SOX6: variants seen among roughly 807,000 people sequenced by gnomAD.
SOX6 encodes SRY-box transcription factor 6.
SOX6 carries 11 observed loss-of-function variants against 97.8 expected under a neutral mutation model. The ratio of observed to expected loss-of-function variants is 0.11; its 90% CI spans 0.07 to 0.19. The LOEUF (loss-of-function observed/expected upper bound fraction) is 0.19. Among genes scored for constraint, SOX6 ranks in the 10% least tolerant of loss-of-function variants. The pLI is 1.00. For synonymous variants in SOX6, 360 were observed against 371.4 expected (o/e 0.97, Z 0.35); for missense variants, 810 against 1,039.5 (o/e 0.78, Z 3.04).
At chr11:16,141,324 G>C (rs1271220713) in intron 6 of SOX6, among the ~76,000 whole-genome samples, 2 of 152,138 alleles carry the variant, frequency 1.3e-5, no homozygotes, top group African/African-American at 2.4e-5. Context: ...AAGGCGATGA[G>C]ACAAGTTCCC....
intron 4 of SOX6, among the ~76,000 whole-genome samples, chr11:16,558,986 CACAA>C (rs1358781730): frequency 1.3e-5 from 2 of 151,886 alleles, no homozygotes; most frequent in Admixed American, 1.3e-4. Context: ...TAATGAAATT[CACAA>C]ACAACCCTTT....
At chr11:16,018,418 G>A (rs763615139) in intron 12 of SOX6, among the ~76,000 whole-genome samples, 1 of 151,890 alleles carries the variant, frequency 6.6e-6, no homozygotes, top group African/African-American at 2.4e-5. Context: ...ATGAATTTGG[G>A]GTAACTAAAA....
chr11:16,584,698 G>A (rs1848073684), intron 4 of SOX6, among the ~76,000 whole-genome samples: 1 of 152,106 alleles, frequency 6.6e-6, no homozygotes, highest in African/African-American at 2.4e-5. Flanking sequence ...TGGCCATGCT[G>A]GGCTGAAGCT....
chr11:16,439,880 A>G (rs918164779), intron 1 of SOX6, among the ~76,000 whole-genome samples: 21 of 152,106 alleles, frequency 1.4e-4, no homozygotes, highest in South Asian at 2.1e-4. Flanking sequence ...ACCTCACTAC[A>G]CCTCTCTATA....
chr11:16,690,449 GTTC>G (rs1295067653), intron 3 of SOX6, among the ~76,000 whole-genome samples: 1 of 152,140 alleles, frequency 6.6e-6, no homozygotes, highest in African/African-American at 2.4e-5. Context: ...TTCTTGCTTA[GTTC>G]TTTTCTGTTT....
intron 1 of SOX6, among the ~76,000 whole-genome samples, chr11:16,342,800 G>A (rs571684019): frequency 1.2e-4 from 18 of 151,838 alleles, no homozygotes; most frequent in Admixed American, 3.3e-4. Flanking sequence ...CTAATTATGC[G>A]CAGTTCAAAA....
At chr11:16,736,842 C>G (rs1346439028) in intron 1 of SOX6, among the ~76,000 whole-genome samples, 1 of 151,832 alleles carries the variant, frequency 6.6e-6, no homozygotes, top group Non-Finnish European at 1.5e-5. Flanking sequence ...TTTTTTTTCT[C>G]TTGGGTTTAC....
At chr11:16,638,584 T>A (rs1848834043) in intron 3 of SOX6, among the ~76,000 whole-genome samples, 1 of 152,126 alleles carries the variant, frequency 6.6e-6, no homozygotes, top group Admixed American at 6.5e-5. Context: ...GCACCTGTTG[T>A]TTCCTGACTT....
intron 1 of SOX6, among the ~76,000 whole-genome samples, chr11:16,401,096 G>A (rs1808085134): frequency 6.6e-6 from 1 of 151,422 alleles, no homozygotes; most frequent in African/African-American, 2.4e-5. Flanking sequence ...AACACCTAAT[G>A]AAATTGAATA....
intron 3 of SOX6, among the ~76,000 whole-genome samples, chr11:16,237,276 A>AT (rs1853053275): frequency 6.6e-6 from 1 of 151,968 alleles, no homozygotes; most frequent in Admixed American, 6.6e-5. Context: ...GTAGGATGAT[A>AT]TTTTTTCTCA....
At chr11:16,466,702 A>G (rs796850542) in intron 1 of SOX6, among the ~76,000 whole-genome samples, 4 of 151,036 alleles carry the variant, frequency 2.6e-5, no homozygotes, top group South Asian at 2.1e-4. Flanking sequence ...AGGCCGAGGC[A>G]GGCGGATCAC....
At chr11:16,054,069 G>A (rs76082914) in intron 10 of SOX6, among the ~76,000 whole-genome samples, 1,840 of 152,170 alleles carry the variant, frequency 0.012, 36 homozygotes, top group African/African-American at 0.041. Context: ...ATTTGCATGT[G>A]GTCAAGTGAG....
At chr11:16,692,106 G>GAGAC (rs140243234) in intron 3 of SOX6, among the ~76,000 whole-genome samples, 1,678 of 149,550 alleles carry the variant, frequency 0.011, 24 homozygotes, top group African/African-American at 0.039. Flanking sequence ...CGCGCTTTCT[G>GAGAC]AGTCTTGCTC....
rs1278130351 is a variant in SOX6, at chr11:16,273,704, G to C, written c.446-39033C>G. ...GATCAAGAATATAATGCTAAAGAAA[G>C]ATGTCACATACGAAGATGAAAAACA... On this transcript the variant is annotated intron_variant, in intron 3 of 15. Coordinates refer to ENST00000683767, the MANE Select transcript of SOX6 (RefSeq NM_001367873.1). 2.6e-5 allele frequency among the ~76,000 whole-genome samples: 4 copies of C among 152,092 alleles called. No homozygotes were observed. In the East Asian group the frequency reaches 7.7e-4, roughly 29 times the overall value.
At chr11:16,524,031 C>T (rs543189332) in intron 4 of SOX6, among the ~76,000 whole-genome samples, 2 of 152,264 alleles carry the variant, frequency 1.3e-5, no homozygotes, top group East Asian at 3.9e-4. Context: ...GGATTCACAG[C>T]TGAATTCTAC....
chr11:16,170,232 G>C (rs946839882), intron 6 of SOX6, among the ~76,000 whole-genome samples: 7 of 151,998 alleles, frequency 4.6e-5, no homozygotes, highest in African/African-American at 1.7e-4. Context: ...TGTTAGCAAT[G>C]TGTATAAAAC....
chr11:16,234,768 T>G, intron 3 of SOX6, 97 bp from the exon 4 acceptor site: 1 of 662,570 alleles, frequency 1.5e-6, no homozygotes. Context: ...TGCATAAAGC[T>G]GTTTTTGTTG....
chr11:16,080,607 G>T (rs1460649623), intron 9 of SOX6, among the ~76,000 whole-genome samples: 19 of 152,050 alleles, frequency 1.2e-4, no homozygotes, highest in Non-Finnish European at 2.8e-4. Flanking sequence ...ATACTTATTG[G>T]CATTTTTATT....
At chr11:16,568,400 T>C (rs554038758) in intron 4 of SOX6, among the ~76,000 whole-genome samples, 48 of 152,240 alleles carry the variant, frequency 3.2e-4, no homozygotes, top group Middle Eastern at 6.8e-3. Context: ...ATAGAATAAA[T>C]CAACAGAGAC....
Sources: allele counts gnomAD v4.1 joint callset (sites outside exome capture counted in the v4.1 genomes callset), GRCh38; gene constraint gnomAD v4.1.1; transcripts MANE v1.5; gene names NCBI Gene and HGNC (gene_info 2026-07-23, HGNC 2026-07-21).